DMD: variants seen among roughly 807,000 people sequenced by gnomAD.
DMD encodes dystrophin.
A neutral mutation model predicts 330.1 loss-of-function variants in DMD; 63 were observed. That is an observed-to-expected ratio of 0.19 (90% CI 0.16 to 0.24). The LOEUF (loss-of-function observed/expected upper bound fraction) is 0.24. DMD is among the 10% of genes least tolerant of loss of function. The pLI, the probability that DMD is intolerant of heterozygous loss-of-function variation, is 1.00. For missense variants in DMD, 3,344 were observed against 2,684.1 expected, an observed-to-expected ratio of 1.25 and a Z score of -5.43; for synonymous variants, 1,223 against 959.8, an observed-to-expected ratio of 1.27 and a Z score of -5.07.
At chrX:31,970,604 G>C (rs1244520627) in intron 44 of DMD, among the ~76,000 whole-genome samples, 1 of 110,815 alleles carries the variant, frequency 9.0e-6, no homozygotes, top group Non-Finnish European at 1.9e-5. Flanking sequence ...TGGAGGGTTA[G>C]AGGCAGTGAG....
At chrX:32,843,155 A>AGTT (rs1334950158) in intron 4 of DMD, among the ~76,000 whole-genome samples, 2 of 111,804 alleles carry the variant, frequency 1.8e-5, no homozygotes, top group Non-Finnish European at 3.8e-5. Context: ...GATATCCCAA[A>AGTT]GTTTGTTTTT....
intron 41 of DMD, among the ~76,000 whole-genome samples, chrX:32,332,870 G>A (rs1460026858): frequency 9.1e-6 from 1 of 110,371 alleles, no homozygotes; most frequent in Non-Finnish European, 1.9e-5. Flanking sequence ...TTGAAAGAAC[G>A]GTGCTTCCAC....
intron 26 of DMD, among the ~76,000 whole-genome samples, chrX:32,450,517 T>A (rs1237491268): frequency 9.0e-6 from 1 of 110,858 alleles, no homozygotes; most frequent in Non-Finnish European, 1.9e-5. Context: ...TTACCATTCA[T>A]CATTTAATAT....
intron 2 of DMD, among the ~76,000 whole-genome samples, chrX:32,853,769 GAAAAA>G (rs1162458210): frequency 1.8e-5 from 1 of 56,092 alleles, no homozygotes; most frequent in Non-Finnish European, 3.1e-5. Context: ...CACAGTGACA[GAAAAA>G]AAAAAAAAAA....
intron 1 of DMD, among the ~76,000 whole-genome samples, chrX:33,049,971 C>G (rs1284509005): frequency 9.0e-6 from 1 of 111,599 alleles, no homozygotes; most frequent in East Asian, 2.8e-4. Context: ...TCCTCCTTAA[C>G]CTTTTTAAGT....
chrX:31,715,204 C>G (rs1179936883), intron 52 of DMD, among the ~76,000 whole-genome samples: 3 of 91,777 alleles, frequency 3.3e-5, no homozygotes, highest in Non-Finnish European at 6.3e-5. Flanking sequence ...TTCCTGCTTT[C>G]AAGATTGGGG....
Position 32,178,924 on chromosome X carries a change from C to T in DMD, c.6438+37992G>A, listed in dbSNP as rs768203326. Among the ~76,000 whole-genome samples, 3 of 91,809 alleles carry T rather than the reference C, an allele frequency of 3.3e-5. No individual in the cohort carries two copies. In the South Asian group the frequency reaches 1.8e-3, roughly 54 times the overall value. 79.7% of individuals were successfully genotyped at this position (91,809 alleles called of 115,157 possible). A position where few individuals can be genotyped will look rare whatever the true frequency, so the allele number is the denominator to read the frequency against. ...TGTTTTCTACATATTCTTAGCCCTTCCATAGAAACCCCAGATTCTCTCTCT... is the reference window on the plus strand; with the variant it reads ...TGTTTTCTACATATTCTTAGCCCTTTCATAGAAACCCCAGATTCTCTCTCT... On this transcript the variant is annotated intron_variant, in intron 44 of 78. Coordinates refer to ENST00000357033, the MANE Select transcript of DMD (RefSeq NM_004006.3).
At chrX:32,762,521 T>C (rs2072454106) in intron 7 of DMD, among the ~76,000 whole-genome samples, 1 of 111,235 alleles carries the variant, frequency 9.0e-6, no homozygotes, top group Admixed American at 9.6e-5. Flanking sequence ...AAGCAAGAAG[T>C]GTGAATAGGA....
chrX:32,850,742 G>T (rs751953216), intron 2 of DMD, among the ~76,000 whole-genome samples: 1 of 111,390 alleles, frequency 9.0e-6, no homozygotes, highest in East Asian at 2.8e-4. Flanking sequence ...TCACCAAATC[G>T]TTTTCTGCTT....
chrX:31,723,623 AACACACACACACACAC>A (rs55718177), intron 52 of DMD, among the ~76,000 whole-genome samples: 15 of 77,664 alleles, frequency 1.9e-4, no homozygotes, highest in Non-Finnish European at 3.0e-4. Context: ...TATCCTCCAC[AACACACACACACACAC>A]ACACACACAC....
At chrX:31,944,594 C>T (rs1294703252) in intron 45 of DMD, among the ~76,000 whole-genome samples, 1 of 106,373 alleles carries the variant, frequency 9.4e-6, no homozygotes, top group African/African-American at 3.4e-5. Context: ...TCTTCTGCTT[C>T]AGCCTCCCGA....
chrX:32,114,719 T>C (rs1234922071), intron 44 of DMD, among the ~76,000 whole-genome samples: 1 of 112,253 alleles, frequency 8.9e-6, no homozygotes, highest in Admixed American at 9.5e-5. Context: ...GATACTATAA[T>C]GATTTTGATG....
At chrX:32,818,425 T>C (rs762926956) in intron 5 of DMD, among the ~76,000 whole-genome samples, 2 of 111,503 alleles carry the variant, frequency 1.8e-5, no homozygotes, top group African/African-American at 6.5e-5. Flanking sequence ...ATGTCTCCTT[T>C]TCCTACATAA....
At chrX:33,023,662 T>A (rs770291284) in intron 1 of DMD, among the ~76,000 whole-genome samples, 1 of 112,078 alleles carries the variant, frequency 8.9e-6, no homozygotes, top group Non-Finnish European at 1.9e-5. Context: ...TCCTGGCTCA[T>A]TTATCTATTG....
intron 1 of DMD, among the ~76,000 whole-genome samples, chrX:33,276,870 G>A (rs1469437387): frequency 9.0e-6 from 1 of 111,677 alleles, no homozygotes; most frequent in Non-Finnish European, 1.9e-5. Flanking sequence ...CACCCTTCAC[G>A]GAGGCTCACT....
At chrX:33,099,171 T>G (rs2064442) in intron 1 of DMD, among the ~76,000 whole-genome samples, 1 of 110,570 alleles carries the variant, frequency 9.0e-6, no homozygotes, top group South Asian at 3.9e-4. Context: ...TTTATTCCCA[T>G]TTAGATGGGT....
At chrX:31,381,148 C>T in intron 60 of DMD, among the ~76,000 whole-genome samples, 1 of 111,160 alleles carries the variant, frequency 9.0e-6, no homozygotes, top group Non-Finnish European at 1.9e-5. Flanking sequence ...AAATCCTTTC[C>T]CCACTCCTCT....
At chrX:32,041,389 TG>T (rs1429290479) in intron 44 of DMD, among the ~76,000 whole-genome samples, 1 of 112,239 alleles carries the variant, frequency 8.9e-6, no homozygotes, top group African/African-American at 3.2e-5. Context: ...TACTGCCAGG[TG>T]GTGCCGATTC....
In DMD at chrX:32,284,825, G is replaced by C. The variant is rs181419211; in HGVS notation, c.6290+2704C>G. On this transcript the variant is annotated intron_variant, in intron 43 of 78. Transcript: ENST00000357033. ...AGTCATAGGAAATTTAACAGCTCCT[G>C]ACCAATTCCTATAGAATGTCAATGG... 4.5e-4 allele frequency among the ~76,000 whole-genome samples: 50 copies of C among 112,119 alleles called. No homozygotes were observed. In the Admixed American group the frequency reaches 4.6e-3, roughly 10 times the overall value.
Sources: gnomAD v4.1 joint callset for allele counts (sites outside exome capture counted in the v4.1 genomes callset) on GRCh38, gnomAD v4.1.1 for gene constraint, MANE v1.5 for transcripts, NCBI Gene and HGNC (gene_info 2026-07-23, HGNC 2026-07-21) for gene names.